The following GLRA1 variants were observed in gnomAD, a reference collection of about 807,000 sequenced individuals.
GLRA1 encodes glycine receptor subunit alpha-1.
In GLRA1, 37 loss-of-function variants were observed where a neutral mutation model predicts 48.3. That is an observed-to-expected ratio of 0.77 (90% confidence interval 0.59 to 1.01). The LOEUF (loss-of-function observed/expected upper bound fraction) is 1.01, where lower values mean the gene tolerates loss of function less well. GLRA1 is among the 50% of genes least tolerant of loss of function. GLRA1 has a pLI of 0.00. For synonymous variants in GLRA1, 196 were observed against 210.7 expected (o/e 0.93, Z 0.60); for missense variants, 427 against 571.0 (o/e 0.75, Z 2.57).
chr5:151,902,370 C>T lies in GLRA1; in HGVS notation c.57-9932G>A, dbSNP rs116047187. Reference sequence around the variant, plus strand: ...CCATTCCCCAGAACCAATCACGGTACGGACAATACCTTCTTGACTGTTTAT... The same window carrying T: ...CCATTCCCCAGAACCAATCACGGTATGGACAATACCTTCTTGACTGTTTAT... On this transcript the variant is annotated intron_variant, in intron 1 of 8. Transcript: ENST00000274576. Among the ~76,000 whole-genome samples, 659 of 152,056 alleles carry T rather than the reference C, an allele frequency of 4.3e-3. 5 individuals carry two copies. The highest frequency in any genetic ancestry group is 0.015 in the African/African-American group (607 of 41,484).
intron 7 of GLRA1, chr5:151,850,622 G>C: frequency 6.8e-7 from 1 of 1,477,172 alleles, no homozygotes; most frequent in Non-Finnish European, 9.5e-7. Context: ...TGCTGGTGTA[G>C]CCAATCGTAG....
At chr5:151,868,595 C>T (rs961260030) in intron 3 of GLRA1, among the ~76,000 whole-genome samples, 1 of 152,102 alleles carries the variant, frequency 6.6e-6, no homozygotes, top group South Asian at 2.1e-4. Flanking sequence ...CATGATATCC[C>T]AGATATGAAT....
At chr5:151,830,297 G>A (rs965572519) in intron 7 of GLRA1, among the ~76,000 whole-genome samples, 2 of 152,204 alleles carry the variant, frequency 1.3e-5, no homozygotes, top group African/African-American at 2.4e-5. Flanking sequence ...TTTGCCCCGT[G>A]TGAACAACCT....
At chr5:151,876,915 G>A (rs1021126033) in intron 3 of GLRA1, among the ~76,000 whole-genome samples, 2 of 152,186 alleles carry the variant, frequency 1.3e-5, no homozygotes, top group African/African-American at 4.8e-5. Context: ...CTAATAAGGA[G>A]AGAAAGAGGT....
chr5:151,912,758 AT>A (rs1754647775), intron 1 of GLRA1, among the ~76,000 whole-genome samples: 1 of 152,214 alleles, frequency 6.6e-6, no homozygotes. Flanking sequence ...AACCCCTGGG[AT>A]GACATTATCT....
chr5:151,863,769 TA>T (rs1041450099), intron 3 of GLRA1, among the ~76,000 whole-genome samples: 64 of 152,276 alleles, frequency 4.2e-4, no homozygotes, highest in African/African-American at 1.5e-3. Context: ...TCAGCAGGGA[TA>T]AACTAAAACA....
intron 1 of GLRA1, among the ~76,000 whole-genome samples, chr5:151,919,641 T>G (rs1344216377): frequency 6.6e-6 from 1 of 152,234 alleles, no homozygotes. Flanking sequence ...CTGGAGAAGA[T>G]ATCCTAAACT....
intron 3 of GLRA1, among the ~76,000 whole-genome samples, chr5:151,863,848 G>A (rs1753265547): frequency 6.6e-6 from 1 of 151,780 alleles, no homozygotes; most frequent in Non-Finnish European, 1.5e-5. Context: ...GCCTCAGTCT[G>A]TTTGCCTATA....
chr5:151,847,746 T>C (rs1321438326), intron 7 of GLRA1, among the ~76,000 whole-genome samples: 1 of 150,968 alleles, frequency 6.6e-6, no homozygotes, highest in East Asian at 1.9e-4. Flanking sequence ...AAAAAGTGAA[T>C]TAAGCAGAAT....
chr5:151,831,980 T>G (rs757929992), intron 7 of GLRA1, among the ~76,000 whole-genome samples: 4 of 152,146 alleles, frequency 2.6e-5, no homozygotes, highest in Non-Finnish European at 5.9e-5. Flanking sequence ...TGTTCTGCAG[T>G]CTCCACTGGT....
chr5:151,921,929 A>G (rs1228396001), intron 1 of GLRA1, among the ~76,000 whole-genome samples: 1 of 152,130 alleles, frequency 6.6e-6, no homozygotes, highest in Non-Finnish European at 1.5e-5. Context: ...CCAGGACCCC[A>G]TGTTTCCCTT....
rs1265138737 is a variant in GLRA1, at chr5:151,829,048, A to G, written c.932T>C (p.Ile311Thr). 3.7e-6 allele frequency: 6 copies of G among 1,613,954 alleles called. No homozygotes were observed. The Admixed American group carries it at 8.3e-5, about 22-fold the overall frequency. ...CAGGCAAACTGCCATCCAAATGTCAATGGCTTTCACATAGGACACCTAGAG... is the reference window on the plus strand; with the variant it reads ...CAGGCAAACTGCCATCCAAATGTCAGTGGCTTTCACATAGGACACCTAGAG... ...SLPKVSYVKA[I>T]DIWMAVCLLF... The change falls in exon 8 of 9, where the codon ATT becomes ACT. Residue 311 changes from isoleucine to threonine, a missense_variant. Physicochemically the swap from Ile to Thr is moderately conservative, Grantham distance 89. This residue lies in a region of GLRA1 where 271 missense variants were observed against 434.9 expected (regional missense o/e 0.62). Transcript: ENST00000274576.
At chr5:151,913,953 A>G (rs1754678733) in intron 1 of GLRA1, among the ~76,000 whole-genome samples, 1 of 152,234 alleles carries the variant, frequency 6.6e-6, no homozygotes. Flanking sequence ...TAGGAGGATA[A>G]TATCAAACCG....
chr5:151,877,728 T>C (rs1191795317), intron 3 of GLRA1, among the ~76,000 whole-genome samples: 1 of 151,738 alleles, frequency 6.6e-6, no homozygotes, highest in Non-Finnish European at 1.5e-5. Flanking sequence ...AAAAGAGGAG[T>C]TTCCCTGCAC....
At chr5:151,848,192 A>G (rs940093297) in intron 7 of GLRA1, among the ~76,000 whole-genome samples, 2 of 152,160 alleles carry the variant, frequency 1.3e-5, no homozygotes, top group African/African-American at 4.8e-5. Context: ...CTAACTGATA[A>G]GGCTGGCTCG....
rs1752840338 is a variant in GLRA1, at chr5:151,849,501, C to CTTTCT, written c.912+1884_912+1888dup. 1.3e-4 allele frequency among the ~76,000 whole-genome samples: 5 copies of CTTTCT among 37,726 alleles called. No homozygotes were observed. The South Asian group carries it at 3.1e-3, about 24-fold the overall frequency. 24.7% of individuals were successfully genotyped at this position (37,726 alleles called of 152,430 possible). On this transcript the variant is annotated intron_variant, in intron 7 of 8. Transcript: ENST00000274576. ...CTTCCTTCCTTCCTTCCTTTCTTTT[C>CTTTCT]TTTCTTTCTTTCTTTCTTTTTTTCT...
chr5:151,923,440 A>G (rs1754927676), intron 1 of GLRA1, among the ~76,000 whole-genome samples: 2 of 152,222 alleles, frequency 1.3e-5, no homozygotes, highest in African/African-American at 4.8e-5. Flanking sequence ...ATCCAATGCC[A>G]CAGTAAAATA....
At chr5:151,898,926 C>G (rs1439995414) in intron 1 of GLRA1, among the ~76,000 whole-genome samples, 5 of 151,970 alleles carry the variant, frequency 3.3e-5, no homozygotes, top group Admixed American at 2.6e-4. Context: ...TGGAGTTGGC[C>G]TGGAAAAATA....
chr5:151,837,822 C>T (rs1763614986), intron 7 of GLRA1, among the ~76,000 whole-genome samples: 1 of 152,014 alleles, frequency 6.6e-6, no homozygotes, highest in Admixed American at 6.6e-5. Flanking sequence ...TGGTAGGGGG[C>T]TAGGGGAGGG....
Sources: allele counts gnomAD v4.1 joint callset (sites outside exome capture counted in the v4.1 genomes callset), GRCh38; gene constraint gnomAD v4.1.1; regional missense constraint gnomAD v4.1.1; transcripts MANE v1.5; gene names NCBI Gene and HGNC (gene_info 2026-07-23, HGNC 2026-07-21).